Variants in SGCZ observed in about 807,000 individuals in gnomAD.
SGCZ encodes zeta-sarcoglycan.
In SGCZ, 40 loss-of-function variants were observed where a neutral mutation model predicts 41.3. That is an observed-to-expected ratio of 0.97 (90% CI 0.75 to 1.26). The LOEUF is 1.26. Among genes scored for constraint, SGCZ ranks in the 50% most tolerant of loss-of-function variants. The probability of loss-of-function intolerance (pLI) is 0.00; values close to 1 mark genes in which losing one functional copy is unlikely to be tolerated. For missense variants in SGCZ, 552 were observed against 369.8 expected (o/e 1.49, Z -4.04); for synonymous variants, 206 against 137.5 (o/e 1.50, Z -3.49).
At chr8:14,589,043 A>G (rs767116802) in intron 1 of SGCZ, among the ~76,000 whole-genome samples, 2 of 152,112 alleles carry the variant, frequency 1.3e-5, no homozygotes, top group Admixed American at 6.6e-5. Flanking sequence ...CCTTCCATCA[A>G]TTGTGTGACC....
At chr8:14,703,546 C>T (rs927253000) in intron 1 of SGCZ, among the ~76,000 whole-genome samples, 3 of 151,948 alleles carry the variant, frequency 2.0e-5, no homozygotes, top group African/African-American at 7.2e-5. Flanking sequence ...TATTTCATGC[C>T]AGCTACACAA....
At chr8:14,159,060 C>A (rs778371899) in intron 5 of SGCZ, among the ~76,000 whole-genome samples, 3 of 152,104 alleles carry the variant, frequency 2.0e-5, no homozygotes, top group South Asian at 2.1e-4. Flanking sequence ...TGAGCCACTG[C>A]GCCTGGCCAG....
chr8:14,141,051 G>C (rs1563149739), intron 5 of SGCZ, among the ~76,000 whole-genome samples: 1 of 152,090 alleles, frequency 6.6e-6, no homozygotes, highest in Non-Finnish European at 1.5e-5. Flanking sequence ...TGACAAACTT[G>C]ACAAAAACAA....
At chr8:14,804,107 G>C (rs1801442062) in intron 1 of SGCZ, among the ~76,000 whole-genome samples, 1 of 88,234 alleles carries the variant, frequency 1.1e-5, no homozygotes, top group African/African-American at 6.4e-5. Context: ...ACCAAAAGTA[G>C]ATAAAACCAC....
At position 15,061,184 on chromosome 8, in the gene SGCZ, G is replaced by C. The variant is rs1804913565; in HGVS notation, c.39+176401C>G. Reference sequence around the variant, plus strand: ...ATTAAATAGTGTGATAGTATTAAGAGGGGGGAACATTTCAGAGGTGATTAA... The same window carrying C: ...ATTAAATAGTGTGATAGTATTAAGACGGGGGAACATTTCAGAGGTGATTAA... On this transcript the variant is annotated intron_variant, in intron 1 of 7. Coordinates refer to ENST00000382080, the MANE Select transcript of SGCZ (RefSeq NM_139167.4). Among the ~76,000 whole-genome samples the C allele has an allele frequency of 2.0e-5, 3 of 152,140 alleles. No individual in the cohort carries two copies. The South Asian group carries it at 6.2e-4, about 32-fold the overall frequency.
intron 2 of SGCZ, among the ~76,000 whole-genome samples, chr8:14,481,386 A>G (rs1046939634): frequency 6.6e-6 from 1 of 152,208 alleles, no homozygotes; most frequent in Non-Finnish European, 1.5e-5. Flanking sequence ...CCTCACAATC[A>G]ATGGGGATTA....
chr8:14,973,451 A>T (rs558896495), intron 1 of SGCZ, among the ~76,000 whole-genome samples: 1 of 152,318 alleles, frequency 6.6e-6, no homozygotes, highest in East Asian at 1.9e-4. Flanking sequence ...CCTACTCAGT[A>T]CTGCTCCCGC....
At chr8:14,217,913 G>A (rs1001633238) in intron 4 of SGCZ, among the ~76,000 whole-genome samples, 7 of 151,972 alleles carry the variant, frequency 4.6e-5, no homozygotes, top group Non-Finnish European at 1.0e-4. Context: ...TTACAGGTGT[G>A]AGCCACCACG....
chr8:14,846,891 G>A (rs1304904727), intron 1 of SGCZ, among the ~76,000 whole-genome samples: 1 of 151,830 alleles, frequency 6.6e-6, no homozygotes, highest in East Asian at 1.9e-4. Flanking sequence ...GCAACTCGGT[G>A]AAACGACATC....
rs910003235 is a variant in SGCZ at position 14,376,091 on chromosome 8, A to G, written c.235-51887T>C. 2.8e-4 allele frequency among the ~76,000 whole-genome samples: 43 copies of G among 152,142 alleles called. 1 individual carries two copies. Among genetic ancestry groups the G allele is most frequent in the African/African-American group, 1.0e-3 (43 of 41,430 alleles). On this transcript the variant is annotated intron_variant, in intron 2 of 7. Coordinates refer to ENST00000382080, the MANE Select transcript of SGCZ (RefSeq NM_139167.4). ...CACTTTGGGAGGCCGAGGCGGGTGGATCACAAGGTCTGGAGTTCGAGACCA... is the reference window on the plus strand; with the variant it reads ...CACTTTGGGAGGCCGAGGCGGGTGGGTCACAAGGTCTGGAGTTCGAGACCA...
At chr8:14,417,975 A>T (rs942118825) in intron 2 of SGCZ, among the ~76,000 whole-genome samples, 1 of 151,834 alleles carries the variant, frequency 6.6e-6, no homozygotes, top group Non-Finnish European at 1.5e-5. Context: ...GTCGAAGCGT[A>T]TCTTTCTTCC....
intron 1 of SGCZ, among the ~76,000 whole-genome samples, chr8:14,788,319 T>C (rs1235566415): frequency 3.3e-5 from 5 of 152,186 alleles, no homozygotes; most frequent in Non-Finnish European, 5.9e-5. Flanking sequence ...ACAATGTGTG[T>C]TGGAAAGGGA....
At chr8:14,878,604 CT>C (rs1265029331) in intron 1 of SGCZ, among the ~76,000 whole-genome samples, 19 of 152,178 alleles carry the variant, frequency 1.2e-4, no homozygotes, top group African/African-American at 4.6e-4. Context: ...GTTAAGGATA[CT>C]GTTGATTTAA....
chr8:14,687,634 GAATAGTGCT>G (rs1808658960), intron 1 of SGCZ, among the ~76,000 whole-genome samples: 1 of 151,772 alleles, frequency 6.6e-6, no homozygotes, highest in East Asian at 1.9e-4. Flanking sequence ...TTGCTATTGT[GAATAGTGCT>G]GCAATAAACA....
chr8:14,967,410 A>G (rs1232806783), intron 1 of SGCZ, among the ~76,000 whole-genome samples: 2 of 151,882 alleles, frequency 1.3e-5, no homozygotes, highest in African/African-American at 4.8e-5. Flanking sequence ...CTTCATGCTC[A>G]CTCTACTTTT....
intron 2 of SGCZ, among the ~76,000 whole-genome samples, chr8:14,488,499 T>C (rs1361954573): frequency 6.6e-6 from 1 of 152,082 alleles, no homozygotes; most frequent in Non-Finnish European, 1.5e-5. Context: ...CAATTGCCCC[T>C]TTGAGATGTA....
intron 1 of SGCZ, among the ~76,000 whole-genome samples, chr8:14,945,633 G>A (rs1268349625): frequency 6.6e-6 from 1 of 150,864 alleles, no homozygotes; most frequent in African/African-American, 2.4e-5. Context: ...AGATTGGCAT[G>A]TGAGTTGCCA....
chr8:14,773,586 C>A (rs1437567104), intron 1 of SGCZ, among the ~76,000 whole-genome samples: 1 of 152,202 alleles, frequency 6.6e-6, no homozygotes, highest in African/African-American at 2.4e-5. Flanking sequence ...TGCTGTGACA[C>A]AGTAATTCTT....
In SGCZ at chr8:15,119,056, A is replaced by T. The variant is rs563026137; in HGVS notation, c.39+118529T>A. On this transcript the variant is annotated intron_variant, in intron 1 of 7. Transcript: ENST00000382080. The stretch of plus-strand genomic sequence containing the variant: ...GAAATTACACTATGCAATAAATTAC[A>T]ATTTGATACTTTTTTCAGAGGTAGA... Among the ~76,000 whole-genome samples the T allele has an allele frequency of 6.6e-5, 10 of 152,254 alleles. No homozygotes were observed. In the South Asian group the frequency reaches 1.9e-3, roughly 28 times the overall value.
Sources: gnomAD v4.1 joint callset for allele counts (sites outside exome capture counted in the v4.1 genomes callset) on GRCh38, gnomAD v4.1.1 for gene constraint, MANE v1.5 for transcripts, NCBI Gene and HGNC (gene_info 2026-07-23, HGNC 2026-07-21) for gene names.